The following FBXW7 variants were observed in gnomAD, a reference collection of about 807,000 sequenced individuals.
The protein encoded by FBXW7 is F-box/WD repeat-containing protein 7.
In FBXW7, 11 loss-of-function variants were observed where a neutral mutation model predicts 86.3. The ratio of observed to expected loss-of-function variants is 0.13; its 90% CI spans 0.08 to 0.21. The LOEUF is 0.21. FBXW7 is among the 10% of genes least tolerant of loss of function. The pLI, the probability that FBXW7 is intolerant of heterozygous loss-of-function variation, is 1.00. For missense variants in FBXW7, 488 were observed against 847.4 expected (o/e 0.58, Z 5.27); for synonymous variants, 313 against 297.9 (o/e 1.05, Z -0.52).
chr4:152,354,970 T>C (rs908899805), intron 4 of FBXW7, among the ~76,000 whole-genome samples: 4 of 152,170 alleles, frequency 2.6e-5, no homozygotes, highest in African/African-American at 9.6e-5. Context: ...TAAGTACTAA[T>C]GAAGACCTTG....
chr4:152,363,482 C>CA (rs1287636497), intron 4 of FBXW7, among the ~76,000 whole-genome samples: 1 of 152,072 alleles, frequency 6.6e-6, no homozygotes, highest in Non-Finnish European at 1.5e-5. Flanking sequence ...ACAATATATA[C>CA]AACTAGAAAG....
chr4:152,512,892 CT>C (rs1361254179), intron 2 of FBXW7, among the ~76,000 whole-genome samples: 1 of 152,188 alleles, frequency 6.6e-6, no homozygotes, highest in Non-Finnish European at 1.5e-5. Flanking sequence ...CGGAGTTTTG[CT>C]CCTGTTGCCC....
intron 12 of FBXW7, chr4:152,324,812 C>G (rs2126484215): frequency 6.1e-6 from 1 of 164,198 alleles, no homozygotes; most frequent in Non-Finnish European, 1.3e-5. Flanking sequence ...GAATGCTTAT[C>G]AGCACCTAAG....
chr4:152,411,260 T>TA (rs1208249026), intron 4 of FBXW7, 43 bp downstream of exon 4: 2 of 1,505,126 alleles, frequency 1.3e-6, no homozygotes, highest in African/African-American at 2.8e-5. Flanking sequence ...TTAAAATAGA[T>TA]ATGTAAAGTT....
At chr4:152,454,586 T>C (rs1742233744) in intron 2 of FBXW7, among the ~76,000 whole-genome samples, 1 of 152,014 alleles carries the variant, frequency 6.6e-6, no homozygotes, top group Admixed American at 6.5e-5. Flanking sequence ...CAGGGTGCAA[T>C]AGCTCTGAAA....
intron 2 of FBXW7, among the ~76,000 whole-genome samples, chr4:152,478,753 T>C (rs1280274846): frequency 2.0e-5 from 3 of 152,122 alleles, no homozygotes; most frequent in African/African-American, 4.8e-5. Context: ...TCTTTGCTAA[T>C]AGCCAAATTG....
intron 2 of FBXW7, among the ~76,000 whole-genome samples, chr4:152,437,331 A>G (rs1740473341): frequency 6.6e-6 from 1 of 151,904 alleles, no homozygotes; most frequent in Admixed American, 6.6e-5. Flanking sequence ...GCTGACTGAG[A>G]TCGTGCCACT....
At chr4:152,532,949 G>A (rs1484471848) in intron 2 of FBXW7, among the ~76,000 whole-genome samples, 1 of 152,202 alleles carries the variant, frequency 6.6e-6, no homozygotes, top group Non-Finnish European at 1.5e-5. Context: ...CACTTTGGGA[G>A]GCCGAGGTGG....
intron 2 of FBXW7, among the ~76,000 whole-genome samples, chr4:152,499,716 A>G (rs1162928791): frequency 2.6e-5 from 4 of 152,026 alleles, no homozygotes; most frequent in African/African-American, 9.7e-5. Context: ...CCCAAAACAC[A>G]AAAGTTAACT....
intron 2 of FBXW7, among the ~76,000 whole-genome samples, chr4:152,525,219 A>G (rs1163875978): frequency 6.6e-6 from 1 of 152,186 alleles, no homozygotes; most frequent in African/African-American, 2.4e-5. Context: ...AGATAAACCC[A>G]TCTAATTTCT....
intron 6 of FBXW7, among the ~76,000 whole-genome samples, chr4:152,345,177 G>A (rs1452537679): frequency 2.0e-5 from 3 of 151,682 alleles, no homozygotes; most frequent in East Asian, 1.9e-4. Flanking sequence ...TCTTATTGAC[G>A]GATAAATTTC....
At chr4:152,480,246 G>T (rs1416117124) in intron 2 of FBXW7, among the ~76,000 whole-genome samples, 4 of 151,966 alleles carry the variant, frequency 2.6e-5, no homozygotes, top group East Asian at 1.9e-4. Flanking sequence ...CATTATTATT[G>T]TATCTGTTAT....
At chr4:152,491,520 G>C (rs930422053) in intron 2 of FBXW7, among the ~76,000 whole-genome samples, 2 of 152,074 alleles carry the variant, frequency 1.3e-5, no homozygotes, top group African/African-American at 4.8e-5. Flanking sequence ...CCCCATGGAC[G>C]TGACGTTTAG....
At chr4:152,517,021 G>A (rs1004432515) in intron 2 of FBXW7, among the ~76,000 whole-genome samples, 11 of 151,970 alleles carry the variant, frequency 7.2e-5, no homozygotes, top group South Asian at 4.2e-4. Context: ...AGATGGTTTC[G>A]CCATGTTGTC....
chr4:152,500,755 G>A (rs1266075653), intron 2 of FBXW7, among the ~76,000 whole-genome samples: 1 of 152,024 alleles, frequency 6.6e-6, no homozygotes. Context: ...CTATGTGTCC[G>A]CAATTCCCCA....
At chr4:152,326,324 G>T in intron 11 of FBXW7, 93 bp from the exon 12 acceptor site, 14 of 834,452 alleles carry the variant, frequency 1.7e-5, no homozygotes, top group Non-Finnish European at 2.0e-5. Flanking sequence ...ATTTAGTCAA[G>T]GTTTTTTAGC....
intron 4 of FBXW7, among the ~76,000 whole-genome samples, chr4:152,408,860 T>C (rs1036667084): frequency 1.3e-5 from 2 of 152,184 alleles, no homozygotes; most frequent in African/African-American, 4.8e-5. Flanking sequence ...TGTTTATGTA[T>C]CTGTAGTAGG....
chr4:152,325,335 A>G (rs1728922712), intron 12 of FBXW7: 2 of 152,222 alleles, frequency 1.3e-5, no homozygotes, highest in East Asian at 1.9e-4. Context: ...ATAACTGGTA[A>G]ATAAACTATA....
At chr4:152,350,199 A>G in intron 4 of FBXW7, 75 bp from the exon 5 acceptor site, 1 of 760,220 alleles carries the variant, frequency 1.3e-6, no homozygotes, top group Non-Finnish European at 2.0e-6. Flanking sequence ...CATGGTTAAT[A>G]TTTTAAATTC....
Sources: gnomAD v4.1 joint callset for allele counts (sites outside exome capture counted in the v4.1 genomes callset) on GRCh38, gnomAD v4.1.1 for gene constraint, MANE v1.5 for transcripts, NCBI Gene and HGNC (gene_info 2026-07-23, HGNC 2026-07-21) for gene names.